Variants in RORA observed in about 807,000 individuals in gnomAD.
RORA encodes nuclear receptor ROR-alpha.
RORA carries 7 observed loss-of-function variants against 69.5 expected under a neutral mutation model. The ratio of observed to expected loss-of-function variants is 0.10; its 90% CI spans 0.06 to 0.19. The LOEUF is 0.19. Among genes scored for constraint, RORA ranks in the 10% least tolerant of loss-of-function variants. The probability of loss-of-function intolerance (pLI) is 1.00; values close to 1 mark genes in which losing one functional copy is unlikely to be tolerated. For missense variants in RORA, 457 were observed against 663.0 expected (o/e 0.69, Z 3.41); for synonymous variants, 261 against 240.8 (o/e 1.08, Z -0.78).
At chr15:60,943,699 T>A in intron 1 of RORA, among the ~76,000 whole-genome samples, 1 of 151,774 alleles carries the variant, frequency 6.6e-6, no homozygotes, top group African/African-American at 2.4e-5. Flanking sequence ...GGGGATTGCC[T>A]GAGCTCAGGA....
At chr15:61,149,740 A>C (rs1021926567) in intron 1 of RORA, among the ~76,000 whole-genome samples, 3 of 152,244 alleles carry the variant, frequency 2.0e-5, no homozygotes, top group Non-Finnish European at 4.4e-5. Context: ...TAATGATAAA[A>C]CATCCTGATA....
chr15:60,822,097 A>G (rs1443501591), intron 1 of RORA, among the ~76,000 whole-genome samples: 1 of 152,240 alleles, frequency 6.6e-6, no homozygotes, highest in South Asian at 2.1e-4. Flanking sequence ...GGTGAGAGCA[A>G]TGAAACAAGG....
At chr15:61,196,535 C>A (rs147653507) in intron 1 of RORA, among the ~76,000 whole-genome samples, 73 of 152,334 alleles carry the variant, frequency 4.8e-4, no homozygotes, top group South Asian at 2.7e-3. Context: ...GCAGCACTTG[C>A]GTGATTCTCA....
At chr15:60,910,562 C>A (rs990268093) in intron 1 of RORA, among the ~76,000 whole-genome samples, 6 of 152,160 alleles carry the variant, frequency 3.9e-5, no homozygotes, top group African/African-American at 1.4e-4. Flanking sequence ...TACCTCAAAA[C>A]AACTTTGTGA....
chr15:61,136,799 T>C (rs1368360359), intron 1 of RORA, among the ~76,000 whole-genome samples: 1 of 152,168 alleles, frequency 6.6e-6, no homozygotes, highest in Non-Finnish European at 1.5e-5. Context: ...CACAGTGCCT[T>C]CCTCTACAGG....
intron 1 of RORA, chr15:60,706,443 G>C (rs1170125652): frequency 6.6e-6 from 1 of 152,138 alleles, no homozygotes; most frequent in East Asian, 1.9e-4. Flanking sequence ...TTGGGGGTGG[G>C]GCATGAAGGA....
At chr15:60,579,245 A>T (rs1381804611) in intron 2 of RORA, among the ~76,000 whole-genome samples, 1 of 152,020 alleles carries the variant, frequency 6.6e-6, no homozygotes, top group Non-Finnish European at 1.5e-5. Flanking sequence ...ATGCCTCAGT[A>T]TTGTTATGGA....
At chr15:60,542,262 G>C (rs868776481) in intron 2 of RORA, among the ~76,000 whole-genome samples, 68 of 152,136 alleles carry the variant, frequency 4.5e-4, no homozygotes, top group African/African-American at 1.6e-3. Context: ...CCAGAGCTCA[G>C]AATAGCAGGT....
At chr15:60,541,480 T>C (rs1039773221) in intron 2 of RORA, among the ~76,000 whole-genome samples, 1 of 152,184 alleles carries the variant, frequency 6.6e-6, no homozygotes, top group Non-Finnish European at 1.5e-5. Context: ...TTACAACATA[T>C]AAGCTCAACC....
At chr15:60,554,539 CTTAT>C (rs947079088) in intron 2 of RORA, among the ~76,000 whole-genome samples, 2 of 152,132 alleles carry the variant, frequency 1.3e-5, no homozygotes, top group Admixed American at 1.3e-4. Flanking sequence ...CATTGAAAGG[CTTAT>C]TTAAATACCA....
chr15:60,910,581 G>A (rs185255406), intron 1 of RORA, among the ~76,000 whole-genome samples: 7 of 152,284 alleles, frequency 4.6e-5, no homozygotes, highest in Non-Finnish European at 7.4e-5. Flanking sequence ...GAAGTTGGGG[G>A]TCCCGTTTTA....
intron 1 of RORA, among the ~76,000 whole-genome samples, chr15:60,972,069 C>G (rs1291231034): frequency 1.3e-5 from 2 of 152,172 alleles, no homozygotes; most frequent in Non-Finnish European, 2.9e-5. Context: ...ACAGATTAGG[C>G]TTCTCTAAGA....
At chr15:60,590,697 T>G (rs922387999) in intron 2 of RORA, among the ~76,000 whole-genome samples, 6 of 151,118 alleles carry the variant, frequency 4.0e-5, no homozygotes, top group Non-Finnish European at 5.9e-5. Context: ...AAAAGTTTTT[T>G]GGGGGGGTGG....
chr15:61,205,820 A>G (rs2079936298), intron 1 of RORA, among the ~76,000 whole-genome samples: 2 of 152,096 alleles, frequency 1.3e-5, no homozygotes, highest in South Asian at 4.2e-4. Flanking sequence ...CACAGATGAA[A>G]AGGGAAGCCA....
chr15:61,101,835 C>T (rs767274171), intron 1 of RORA, among the ~76,000 whole-genome samples: 1 of 151,786 alleles, frequency 6.6e-6, no homozygotes, highest in Non-Finnish European at 1.5e-5. Context: ...GGACCTGGAC[C>T]GGGTGGGGAC....
intron 1 of RORA, among the ~76,000 whole-genome samples, chr15:61,225,865 G>T (rs942540114): frequency 6.6e-6 from 1 of 151,990 alleles, no homozygotes; most frequent in African/African-American, 2.4e-5. Context: ...TACTTCCCTT[G>T]TCGCTTCCTG....
At chr15:60,819,632 A>G (rs2072861499) in intron 1 of RORA, among the ~76,000 whole-genome samples, 1 of 151,930 alleles carries the variant, frequency 6.6e-6, no homozygotes, top group Non-Finnish European at 1.5e-5. Context: ...GTTGGGTGGG[A>G]GGAATGCAGT....
chr15:61,198,781 C>A (rs1025915487), intron 1 of RORA, among the ~76,000 whole-genome samples: 1 of 152,050 alleles, frequency 6.6e-6, no homozygotes, highest in Non-Finnish European at 1.5e-5. Flanking sequence ...AGAGGGCTCC[C>A]GACTGCCTGT....
At chr15:60,806,933 T>A (rs1286710406) in intron 1 of RORA, among the ~76,000 whole-genome samples, 1 of 152,140 alleles carries the variant, frequency 6.6e-6, no homozygotes, top group Non-Finnish European at 1.5e-5. Context: ...AAACCATCTA[T>A]GACAAACCCA....
Sources: gnomAD v4.1 joint callset for allele counts (sites outside exome capture counted in the v4.1 genomes callset) on GRCh38, gnomAD v4.1.1 for gene constraint, MANE v1.5 for transcripts, NCBI Gene and HGNC (gene_info 2026-07-23, HGNC 2026-07-21) for gene names.